Variants in TCF4 observed in about 807,000 individuals in gnomAD.
The protein encoded by TCF4 is transcription factor 4, also known as SL3-3 enhancer factor 2.
In TCF4, 3 loss-of-function variants were observed where a neutral mutation model predicts 82.1. That is an observed-to-expected ratio of 0.04 (90% CI 0.02 to 0.09). The LOEUF (loss-of-function observed/expected upper bound fraction) is 0.09. Ranked by LOEUF, TCF4 falls within the 10% of genes least tolerant of loss-of-function variation. The pLI, the probability that TCF4 is intolerant of heterozygous loss-of-function variation, is 1.00. For synonymous variants in TCF4, 276 were observed against 309.6 expected (o/e 0.89, Z 1.14); for missense variants, 518 against 852.7 (o/e 0.61, Z 4.89).
intron 8 of TCF4, among the ~76,000 whole-genome samples, chr18:55,288,681 C>A (rs541721963): frequency 6.6e-6 from 1 of 152,284 alleles, no homozygotes; most frequent in South Asian, 2.1e-4. Flanking sequence ...GTCAGGGCAG[C>A]ACAAAGGAGG....
rs183907544 is a variant in TCF4 at position 55,584,897 on chromosome 18, T to C, written c.145+383A>G. On this transcript the variant is annotated intron_variant, in intron 3 of 19. Transcript: ENST00000354452. The stretch of plus-strand genomic sequence containing the variant: ...TGTATACAGTACCTAATAAATGATA[T>C]TATTTACAAGGGATTTTCCCATTTT... Among the ~76,000 whole-genome samples, 25 of 152,284 alleles carry C rather than the reference T, an allele frequency of 1.6e-4. No homozygotes were observed. In the East Asian group the frequency reaches 4.8e-3, roughly 29 times the overall value.
At chr18:55,285,867 T>C (rs1244125636) in intron 8 of TCF4, among the ~76,000 whole-genome samples, 3 of 152,370 alleles carry the variant, frequency 2.0e-5, no homozygotes, top group Non-Finnish European at 4.4e-5. Flanking sequence ...ACCTGGCATA[T>C]AACTGCTGTT....
chr18:55,548,726 T>C (rs550362988), intron 3 of TCF4, among the ~76,000 whole-genome samples: 13 of 152,334 alleles, frequency 8.5e-5, no homozygotes, highest in African/African-American at 2.9e-4. Flanking sequence ...CAGCATGTTA[T>C]TGTACTAAAT....
At chr18:55,609,841 C>T (rs967036944) in intron 2 of TCF4, among the ~76,000 whole-genome samples, 1 of 152,120 alleles carries the variant, frequency 6.6e-6, no homozygotes, top group African/African-American at 2.4e-5. Flanking sequence ...TTGGGCCTTT[C>T]TTCTAATGTT....
intron 8 of TCF4, among the ~76,000 whole-genome samples, chr18:55,316,143 G>C (rs1274819318): frequency 6.6e-6 from 1 of 151,942 alleles, no homozygotes; most frequent in East Asian, 1.9e-4. Context: ...GGGGAAAAAA[G>C]GCCCAGTAAT....
At chr18:55,313,945 C>T (rs140422723) in intron 8 of TCF4, among the ~76,000 whole-genome samples, 4 of 152,090 alleles carry the variant, frequency 2.6e-5, no homozygotes, top group African/African-American at 4.8e-5. Context: ...TTCCCTCCCC[C>T]CCTTACAAAT....
intron 3 of TCF4, among the ~76,000 whole-genome samples, chr18:55,575,213 T>C (rs753998214): frequency 2.0e-5 from 3 of 152,184 alleles, no homozygotes; most frequent in Non-Finnish European, 2.9e-5. Flanking sequence ...TAGAAGTAAC[T>C]AGATTGAAGA....
chr18:55,349,724 C>A (rs1236152872), intron 8 of TCF4, among the ~76,000 whole-genome samples: 1 of 151,844 alleles, frequency 6.6e-6, no homozygotes, highest in Non-Finnish European at 1.5e-5. Flanking sequence ...GTGATCACAA[C>A]CAACTTTTGC....
In TCF4 at chr18:55,261,487, A is replaced by C. The variant is rs775673029; in HGVS notation, c.969T>G (p.Ala323=). 3.1e-6 allele frequency: 5 copies of C among 1,613,970 alleles called. No individual in the cohort carries two copies. Among genetic ancestry groups the C allele is most frequent in the Middle Eastern group, 1.6e-4 (1 of 6,062 alleles). Residue 323 remains alanine, a synonymous_variant, in exon 12 of 20, where the codon GCT becomes GCG. Transcript: ENST00000354452. ...GAAGSSQTGD[A]LGKALASIYS... ...TCACCGAAGCAAGTGCTTTCCCCAG[A>C]GCATCTCCAGTCTGGGAGCTGCCGG...
intron 5 of TCF4, among the ~76,000 whole-genome samples, chr18:55,436,140 T>G (rs1056933059): frequency 6.6e-6 from 1 of 152,194 alleles, no homozygotes; most frequent in African/African-American, 2.4e-5. Flanking sequence ...AATTATGCAA[T>G]ATGTTTTGAG....
chr18:55,436,294 T>C (rs895386261), intron 5 of TCF4, among the ~76,000 whole-genome samples: 5 of 152,230 alleles, frequency 3.3e-5, no homozygotes, highest in Admixed American at 2.6e-4. Flanking sequence ...TTTTATATGA[T>C]TAATAATTTA....
intron 3 of TCF4, among the ~76,000 whole-genome samples, chr18:55,530,773 C>G (rs2146712085): frequency 6.6e-6 from 1 of 152,152 alleles, no homozygotes; most frequent in African/African-American, 2.4e-5. Context: ...ACATTTCTGA[C>G]AGAAGTGTGA....
At chr18:55,463,573 A>T (rs959827036) in intron 4 of TCF4, among the ~76,000 whole-genome samples, 2 of 152,180 alleles carry the variant, frequency 1.3e-5, no homozygotes, top group African/African-American at 4.8e-5. Context: ...GAATGATAAC[A>T]TGTCTACATA....
chr18:55,260,792 T>G lies in TCF4; in HGVS notation c.990+674A>C, dbSNP rs1451140867. Among the ~76,000 whole-genome samples, 5 of 152,148 alleles carry G rather than the reference T, an allele frequency of 3.3e-5. No homozygotes were observed. The South Asian group carries it at 6.2e-4, about 19-fold the overall frequency. Reference sequence around the variant, plus strand: ...CCAGGCTAGTCTTGAACTCCTGACCTCAAGTGATCCTCCCACCTCGGCCTC... The same window carrying G: ...CCAGGCTAGTCTTGAACTCCTGACCGCAAGTGATCCTCCCACCTCGGCCTC... On this transcript the variant is annotated intron_variant, in intron 12 of 19. Coordinates refer to ENST00000354452, the MANE Select transcript of TCF4 (RefSeq NM_001083962.2).
At chr18:55,508,432 A>C (rs1225717771) in intron 3 of TCF4, among the ~76,000 whole-genome samples, 1 of 152,222 alleles carries the variant, frequency 6.6e-6, no homozygotes, top group Non-Finnish European at 1.5e-5. Context: ...AAGAACTGAG[A>C]AACTGCTCCA....
At chr18:55,588,516 T>C (rs772513202), upstream of TCF4, 1 of 1,534,686 alleles carries the variant, frequency 6.5e-7, no homozygotes, top group Non-Finnish European at 8.7e-7. Context: ...CCTGAACAGT[T>C]CAGTTTTTGC....
intron 4 of TCF4, 118 bp downstream of exon 4, chr18:55,463,948 CTGTGTGTGTG>C (rs151196106): frequency 4.3e-5 from 30 of 702,320 alleles, no homozygotes; most frequent in Middle Eastern, 3.1e-4. Flanking sequence ...GCCCATGCCT[CTGTGTGTGTG>C]TGTGTGTGTG....
At chr18:55,336,746 T>C (rs77452229) in intron 8 of TCF4, among the ~76,000 whole-genome samples, 115 of 152,282 alleles carry the variant, frequency 7.6e-4, no homozygotes, top group African/African-American at 2.7e-3. Context: ...AGTAACTGTA[T>C]ATAACTAGAA....
At position 55,279,642 on chromosome 18, in the gene TCF4, T is replaced by C; in HGVS notation, c.564A>G (p.Ser188=). ...CCCTATTGTAGTCGGCAGTGCTTGC[T>C]GATGGAGCATAGACCTGAGGAGAAA... The part of the protein sequence containing the change: ...PGLPSSVYAP[S]ASTADYNRDS... Residue 188 remains serine (S), a synonymous_variant, in exon 9 of 20, where the codon TCA becomes TCG. Coordinates refer to ENST00000354452, the MANE Select transcript of TCF4 (RefSeq NM_001083962.2). 6.2e-7 allele frequency: 1 copy of C among 1,614,014 alleles called. No individual in the cohort carries two copies. The highest frequency in any genetic ancestry group is 8.5e-7 in the Non-Finnish European group (1 of 1,179,898).
Sources: gnomAD v4.1 joint callset for allele counts (sites outside exome capture counted in the v4.1 genomes callset) on GRCh38, gnomAD v4.1.1 for gene constraint, MANE v1.5 for transcripts, NCBI Gene and HGNC (gene_info 2026-07-23, HGNC 2026-07-21) for gene names.